ABCB11: variants seen among roughly 807,000 people sequenced by gnomAD.
The protein encoded by ABCB11 is bile salt export pump.
A neutral mutation model predicts 148.0 loss-of-function variants in ABCB11; 95 were observed. That is an observed-to-expected ratio of 0.64 (90% CI 0.54 to 0.76). ABCB11 has a LOEUF of 0.76. Ranked by LOEUF, ABCB11 falls within the 30% of genes least tolerant of loss-of-function variation. The pLI is 0.00. For synonymous variants in ABCB11, 591 were observed against 555.4 expected (o/e 1.06, Z -0.90); for missense variants, 1,523 against 1,617.8 (o/e 0.94, Z 1.01).
intron 5 of ABCB11, among the ~76,000 whole-genome samples, chr2:169,002,858 T>C (rs1354686258): frequency 2.6e-5 from 4 of 152,194 alleles, no homozygotes; most frequent in Non-Finnish European, 2.9e-5. Flanking sequence ...CTGGGCTGAC[T>C]ATAGTTAGTA....
chr2:168,967,818 A>G (rs1031682883), intron 17 of ABCB11, among the ~76,000 whole-genome samples: 4 of 151,990 alleles, frequency 2.6e-5, no homozygotes, highest in Admixed American at 2.0e-4. Flanking sequence ...ATGAAAGACT[A>G]AAGTGTGTAG....
At chr2:168,931,706 C>T (rs1308588700) in intron 24 of ABCB11, among the ~76,000 whole-genome samples, 1 of 152,182 alleles carries the variant, frequency 6.6e-6, no homozygotes, top group Non-Finnish European at 1.5e-5. Context: ...AGGTAGATCT[C>T]AGAGGACAAC....
intron 5 of ABCB11, among the ~76,000 whole-genome samples, chr2:169,012,287 G>A (rs1275501482): frequency 2.0e-5 from 3 of 152,082 alleles, no homozygotes; most frequent in Non-Finnish European, 4.4e-5. Flanking sequence ...TTCTGAACTT[G>A]AGCCAGCATG....
At chr2:169,014,464 C>A in intron 3 of ABCB11, 110 bp from the exon 4 acceptor site, 3 of 1,067,550 alleles carry the variant, frequency 2.8e-6, no homozygotes, top group Non-Finnish European at 4.2e-6. Flanking sequence ...AAAATCCCCA[C>A]TGGCTGGAAA....
rs991215295 is a variant in ABCB11, at chr2:169,027,539, A to G, written c.-28+3686T>C. On this transcript the variant is annotated intron_variant, in intron 1 of 27. Coordinates refer to ENST00000650372, the MANE Select transcript of ABCB11 (RefSeq NM_003742.4). ...AAAGATGTTTCTATCTTACACTCTAACAACAGCATTCTGAAAGACCTCACT... is the reference window on the plus strand; with the variant it reads ...AAAGATGTTTCTATCTTACACTCTAGCAACAGCATTCTGAAAGACCTCACT... 2.0e-5 allele frequency among the ~76,000 whole-genome samples: 3 copies of G among 152,226 alleles called. 1 individual carries two copies. The East Asian group carries it at 5.8e-4, about 29-fold the overall frequency.
chr2:168,970,484 T>A (rs2105960813), intron 14 of ABCB11: 1 of 859,034 alleles, frequency 1.2e-6, no homozygotes, highest in East Asian at 3.7e-5. Context: ...AATAAGATTT[T>A]TCAACCAAAA....
At chr2:169,025,262 C>T (rs1695663597) in intron 1 of ABCB11, among the ~76,000 whole-genome samples, 1 of 152,130 alleles carries the variant, frequency 6.6e-6, no homozygotes, top group Non-Finnish European at 1.5e-5. Flanking sequence ...TTTGGAGTCT[C>T]TCAGATCCTG....
intron 11 of ABCB11, among the ~76,000 whole-genome samples, chr2:168,977,244 C>T (rs1321393058): frequency 3.3e-5 from 5 of 151,644 alleles, no homozygotes; most frequent in Admixed American, 6.6e-5. Flanking sequence ...TAATTGTCAC[C>T]GTCACCAAAC....
intron 17 of ABCB11, among the ~76,000 whole-genome samples, chr2:168,965,573 G>A (rs1288746434): frequency 6.6e-6 from 1 of 151,776 alleles, no homozygotes; most frequent in African/African-American, 2.4e-5. Context: ...CTCTCTAAAG[G>A]TAAATCCAAG....
chr2:168,950,617 C>A (rs1311025983), intron 19 of ABCB11, among the ~76,000 whole-genome samples: 3 of 151,394 alleles, frequency 2.0e-5, no homozygotes, highest in South Asian at 4.2e-4. Flanking sequence ...CTTCACCTAC[C>A]TTTTAATGAA....
intron 19 of ABCB11, among the ~76,000 whole-genome samples, chr2:168,953,191 G>C (rs912451453): frequency 1.3e-5 from 2 of 151,574 alleles, no homozygotes; most frequent in African/African-American, 4.8e-5. Context: ...GTAGTTGTTG[G>C]GTAGAATGTT....
chr2:168,922,546 T>C lies in ABCB11; in HGVS notation c.*1076A>G, dbSNP rs1691114095. ...TCTGTGGTACAAAACAGGATGTTTC[T>C]AGGCTCCCCCAACTAACAGGTTACA... On this transcript the variant is annotated 3_prime_UTR_variant, in exon 28 of 28. Transcript: ENST00000650372. Among the ~76,000 whole-genome samples the C allele has an allele frequency of 6.6e-6, 1 of 152,218 alleles. No homozygotes were observed.
intron 18 of ABCB11, among the ~76,000 whole-genome samples, chr2:168,962,468 T>C (rs1414622802): frequency 6.6e-6 from 1 of 151,632 alleles, no homozygotes; most frequent in Non-Finnish European, 1.5e-5. Flanking sequence ...TCTCCAGATG[T>C]CCAGGGAATC....
intron 5 of ABCB11, among the ~76,000 whole-genome samples, chr2:169,009,406 T>C (rs974012069): frequency 6.6e-6 from 1 of 151,838 alleles, no homozygotes; most frequent in Non-Finnish European, 1.5e-5. Flanking sequence ...CCATAAAAAA[T>C]GATGAGTTCA....
rs990335457 is a variant in ABCB11 at position 168,922,485 on chromosome 2, G to C, written c.*1137C>G. On this transcript the variant is annotated 3_prime_UTR_variant, in exon 28 of 28. Coordinates refer to ENST00000650372, the MANE Select transcript of ABCB11 (RefSeq NM_003742.4). ...TCCCCTTGTCTCCTCCTTCCAGAAG[G>C]ATCCAGTGTTTTTACATCTTGAAAC... Among the ~76,000 whole-genome samples the C allele has an allele frequency of 2.6e-5, 4 of 152,140 alleles. No individual in the cohort carries two copies. The highest frequency in any genetic ancestry group is 9.7e-5 in the African/African-American group (4 of 41,432).
At chr2:169,001,683 T>A (rs1020568342) in intron 5 of ABCB11, among the ~76,000 whole-genome samples, 4 of 152,140 alleles carry the variant, frequency 2.6e-5, no homozygotes, top group South Asian at 2.1e-4. Context: ...AGTAGAGCAA[T>A]TATTGCTTAG....
chr2:168,919,187 T>A (rs754824733), downstream of ABCB11, among the ~76,000 whole-genome samples: 28 of 23,890 alleles, frequency 1.2e-3, no homozygotes, highest in Non-Finnish European at 1.6e-3. Context: ...CTGCTTTAGA[T>A]CAGTATTAAG....
intron 9 of ABCB11, among the ~76,000 whole-genome samples, chr2:168,987,041 A>C (rs1694349340): frequency 1.3e-5 from 2 of 152,180 alleles, no homozygotes; most frequent in Admixed American, 1.3e-4. Flanking sequence ...TTTTATTGAC[A>C]ATAAAAGATA....
chr2:168,968,504 C>T lies in ABCB11; in HGVS notation c.2012-14G>A. 1.2e-6 allele frequency: 2 copies of T among 1,605,270 alleles called. No individual in the cohort carries two copies. Among genetic ancestry groups the T allele is most frequent in the Admixed American group, 3.4e-5 (2 of 59,388 alleles). On this transcript the variant is annotated splice_polypyrimidine_tract_variant and intron_variant, in intron 16 of 27. Transcript: ENST00000650372. ...CTTCAGTTGCATCTACTCAACACAG[C>T]ATGAGCAATTTTTTAGTATATACAA...
Sources: allele counts gnomAD v4.1 joint callset (sites outside exome capture counted in the v4.1 genomes callset), GRCh38; gene constraint gnomAD v4.1.1; transcripts MANE v1.5; gene names NCBI Gene and HGNC (gene_info 2026-07-23, HGNC 2026-07-21).